Variants in PCBP3 observed in about 807,000 individuals in gnomAD.
The protein encoded by PCBP3 is poly(rC)-binding protein 3.
In PCBP3, 25 loss-of-function variants were observed where a neutral mutation model predicts 52.7. That is an observed-to-expected ratio of 0.47 (90% CI 0.35 to 0.66). PCBP3 has a LOEUF of 0.66. Ranked by LOEUF, PCBP3 falls within the 30% of genes least tolerant of loss-of-function variation. The probability of loss-of-function intolerance (pLI) is 0.01; values close to 1 mark genes in which losing one functional copy is unlikely to be tolerated. For synonymous variants in PCBP3, 162 were observed against 183.0 expected (o/e 0.89, Z 0.93); for missense variants, 391 against 490.3 (o/e 0.80, Z 1.91).
chr21:45,873,503 G>A (rs1225586266), intron 5 of PCBP3, among the ~76,000 whole-genome samples: 2 of 152,110 alleles, frequency 1.3e-5, no homozygotes, highest in Non-Finnish European at 2.9e-5. Context: ...CCAGCTCTGT[G>A]TAAATCTCCC....
intron 1 of PCBP3, among the ~76,000 whole-genome samples, chr21:45,650,037 A>G (rs959834161): frequency 3.9e-4 from 59 of 152,272 alleles, no homozygotes; most frequent in Admixed American, 1.1e-3. Flanking sequence ...TACATTAAAA[A>G]ATATTACCAG....
intron 5 of PCBP3, chr21:45,871,104 A>G (rs1351800555): frequency 5.8e-6 from 1 of 172,000 alleles, no homozygotes; most frequent in East Asian, 1.9e-4. Flanking sequence ...CCCAGGAGAG[A>G]TGGGAACCCC....
chr21:45,881,605 A>G (rs1326117647), intron 5 of PCBP3, among the ~76,000 whole-genome samples: 2 of 152,050 alleles, frequency 1.3e-5, no homozygotes, highest in African/African-American at 2.4e-5. Context: ...ACTCTCAGCA[A>G]TTTTCAAGTA....
chr21:45,856,653 A>G (rs1245747485), intron 5 of PCBP3, among the ~76,000 whole-genome samples: 3 of 152,068 alleles, frequency 2.0e-5, no homozygotes, highest in Non-Finnish European at 2.9e-5. Flanking sequence ...CATGATCGCA[A>G]GTTTCCTGAT....
intron 2 of PCBP3, among the ~76,000 whole-genome samples, chr21:45,731,795 C>T (rs932852366): frequency 5.3e-5 from 8 of 152,090 alleles, no homozygotes; most frequent in Admixed American, 6.5e-5. Flanking sequence ...AAAGTATACC[C>T]TCTCACTTCT....
At chr21:45,883,801 C>T (rs1273542262) in intron 5 of PCBP3, among the ~76,000 whole-genome samples, 2 of 152,182 alleles carry the variant, frequency 1.3e-5, no homozygotes, top group East Asian at 3.8e-4. Flanking sequence ...CTGTAGACAG[C>T]ATATGATGGG....
chr21:45,891,174 G>T (rs190625151), intron 5 of PCBP3, among the ~76,000 whole-genome samples: 4 of 133,590 alleles, frequency 3.0e-5, no homozygotes, highest in Non-Finnish European at 5.0e-5. Flanking sequence ...TAGTGGAACC[G>T]CCGTGCCGCA....
intron 3 of PCBP3, chr21:45,749,609 C>T (rs1214497191): frequency 6.6e-6 from 1 of 152,096 alleles, no homozygotes; most frequent in Non-Finnish European, 1.5e-5. Flanking sequence ...TTAGTATGAG[C>T]TACTTGGTTA....
rs995887657 is a variant in PCBP3 at position 45,880,974 on chromosome 21, C to T, written c.11-15234C>T. ...TCCAAGCTTAGAAGCTCACTGGCAG[C>T]GTCAGGCAGCTCATGCCCAGCCAAG... On this transcript the variant is annotated intron_variant, in intron 5 of 17. Transcript: ENST00000681687. This position sits in a 1 kb window ranked among gnomAD's most constrained non-coding sequence, Gnocchi z 5.4. 2.0e-5 allele frequency among the ~76,000 whole-genome samples: 3 copies of T among 152,298 alleles called. No individual in the cohort carries two copies. The highest frequency in any genetic ancestry group is 3.9e-4 in the East Asian group (2 of 5,188).
chr21:45,700,623 A>T (rs191776677), intron 2 of PCBP3, among the ~76,000 whole-genome samples: 4 of 152,184 alleles, frequency 2.6e-5, no homozygotes, highest in Admixed American at 6.5e-5. Context: ...TCCACTGCGC[A>T]GTGTGCCATA....
At chr21:45,820,003 G>A (rs76056292) in intron 4 of PCBP3, among the ~76,000 whole-genome samples, 4 of 152,212 alleles carry the variant, frequency 2.6e-5, no homozygotes, top group African/African-American at 7.2e-5. Context: ...ACTCAGGCCC[G>A]CTGGGGAAGG....
chr21:45,661,108 T>C, intron 1 of PCBP3, among the ~76,000 whole-genome samples: 1 of 152,184 alleles, frequency 6.6e-6, no homozygotes, highest in East Asian at 1.9e-4. Context: ...TTACTGGCTT[T>C]TACAGTTATC....
chr21:45,922,416 G>A (rs887310852), intron 13 of PCBP3, among the ~76,000 whole-genome samples: 3 of 152,148 alleles, frequency 2.0e-5, no homozygotes, highest in African/African-American at 7.2e-5. Flanking sequence ...TTAACTGGGT[G>A]TGGTGGCACA....
intron 4 of PCBP3, among the ~76,000 whole-genome samples, chr21:45,792,387 G>A (rs1331115456): frequency 1.3e-5 from 2 of 152,192 alleles, no homozygotes; most frequent in East Asian, 1.9e-4. Flanking sequence ...AGAAGGTGGG[G>A]GCCCTCCCAG....
In PCBP3 at chr21:45,669,923, G is replaced by C. The variant is rs187403558; in HGVS notation, c.-200+971G>C. On this transcript the variant is annotated intron_variant, in intron 2 of 17. Transcript: ENST00000681687. ...TGGCTATAGTGAATAATGCTGCCAT[G>C]AACTTGGGTATACAAATATTTGAGT... 1.9e-4 allele frequency among the ~76,000 whole-genome samples: 28 copies of C among 148,914 alleles called. 1 individual carries two copies. In the Middle Eastern group the frequency reaches 0.014, roughly 73 times the overall value.
chr21:45,738,125 A>G (rs908711140), intron 3 of PCBP3, among the ~76,000 whole-genome samples: 1 of 152,178 alleles, frequency 6.6e-6, no homozygotes, highest in Non-Finnish European at 1.5e-5. Context: ...TCCTAGCCCC[A>G]TGTAGGGGCT....
intron 4 of PCBP3, among the ~76,000 whole-genome samples, chr21:45,819,945 A>G (rs8129118): frequency 0.32 from 48,800 of 152,192 alleles, 9,205 homozygotes; most frequent in East Asian, 0.66. Flanking sequence ...CTGAAGGTCC[A>G]GGGCCTGGCC....
rs562542496 is a variant in PCBP3, at chr21:45,644,505, G to GT, written c.-279+644dup. 1.9e-3 allele frequency among the ~76,000 whole-genome samples: 201 copies of GT among 107,560 alleles called. 2 individuals carry two copies. Among genetic ancestry groups the GT allele is most frequent in the African/African-American group, 5.7e-3 (181 of 31,602 alleles). The allele number at this position is 107,560 out of a possible 152,430, so 70.6% of individuals were successfully genotyped here. A position where few individuals can be genotyped will look rare whatever the true frequency, so the allele number is the denominator to read the frequency against. On this transcript the variant is annotated intron_variant, in intron 1 of 17. Coordinates refer to ENST00000681687, the MANE Select transcript of PCBP3 (RefSeq NM_001384156.1). ...ATTGGAAGTCTTGTTTCGTGAAAGAGTTTTTTTCTTTTTTTTGCCTGGTGA... is the reference window on the plus strand; with the variant it reads ...ATTGGAAGTCTTGTTTCGTGAAAGAGTTTTTTTTCTTTTTTTTGCCTGGTGA...
intron 4 of PCBP3, among the ~76,000 whole-genome samples, chr21:45,796,478 C>G (rs2091925339): frequency 6.6e-6 from 1 of 152,154 alleles, no homozygotes; most frequent in Non-Finnish European, 1.5e-5. Flanking sequence ...TGTATCACTT[C>G]TCTTGAATTC....
Sources: allele counts gnomAD v4.1 joint callset (sites outside exome capture counted in the v4.1 genomes callset), GRCh38; gene constraint gnomAD v4.1.1; non-coding constraint Gnocchi (gnomAD v3.1); transcripts MANE v1.5; gene names NCBI Gene and HGNC (gene_info 2026-07-23, HGNC 2026-07-21).